Variants in PTGFR observed in about 807,000 individuals in gnomAD.
The protein encoded by PTGFR is prostaglandin F receptor, also known as prostaglandin F2-alpha receptor.
A neutral mutation model predicts 26.2 loss-of-function variants in PTGFR; 15 were observed. That is an observed-to-expected ratio of 0.57 (90% CI 0.38 to 0.88). The LOEUF is 0.88. Ranked by LOEUF, PTGFR falls within the 40% of genes least tolerant of loss-of-function variation. PTGFR has a pLI of 0.00. For missense variants in PTGFR, 369 were observed against 427.2 expected, an observed-to-expected ratio of 0.86 and a Z score of 1.20; for synonymous variants, 165 against 151.1, an observed-to-expected ratio of 1.09 and a Z score of -0.68.
At chr1:78,531,781 G>A (rs773558034) in intron 2 of PTGFR, among the ~76,000 whole-genome samples, 53 of 152,134 alleles carry the variant, frequency 3.5e-4, no homozygotes, top group Non-Finnish European at 5.3e-4. Flanking sequence ...CTCAAGTGTA[G>A]GAGTCTCTTC....
intron 2 of PTGFR, among the ~76,000 whole-genome samples, chr1:78,518,812 G>A (rs909936612): frequency 1.3e-5 from 2 of 151,866 alleles, no homozygotes; most frequent in African/African-American, 4.8e-5. Flanking sequence ...ATTTTATTTT[G>A]CAGAGCTTTT....
At position 78,493,252 on chromosome 1, in the gene PTGFR, C is replaced by T; in HGVS notation, c.509C>T (p.Pro170Leu). Residue 170 changes from proline (P) to leucine (L), a missense_variant, in exon 2 of 3, where the codon CCC becomes CTC. Transcript: ENST00000370757. ...CLFAVFIALL[P>L]ILGHRDYKIQ... is the part of the protein sequence containing the mutation. Reference sequence around the variant, plus strand: ...TTTGCTGTTTTCATAGCTTTGCTGCCCATCCTTGGACATCGAGACTATAAA... The same window carrying T: ...TTTGCTGTTTTCATAGCTTTGCTGCTCATCCTTGGACATCGAGACTATAAA... The T allele has an allele frequency of 6.2e-7, 1 of 1,614,048 alleles. No individual in the cohort carries two copies. Among genetic ancestry groups the T allele is most frequent in the Non-Finnish European group, 8.5e-7 (1 of 1,179,984 alleles).
chr1:78,499,269 T>C (rs1225709554), intron 2 of PTGFR, among the ~76,000 whole-genome samples: 3 of 152,246 alleles, frequency 2.0e-5, no homozygotes, highest in African/African-American at 7.2e-5. Context: ...AAAAAGTTCC[T>C]GTTCTCTTTT....
chr1:78,522,395 A>T (rs1188521588), intron 2 of PTGFR, among the ~76,000 whole-genome samples: 1 of 152,040 alleles, frequency 6.6e-6, no homozygotes, highest in African/African-American at 2.4e-5. Flanking sequence ...ATCATATCTC[A>T]TTATATTCAC....
chr1:78,511,350 C>T (rs931154775), intron 2 of PTGFR, among the ~76,000 whole-genome samples: 1 of 152,232 alleles, frequency 6.6e-6, no homozygotes, highest in East Asian at 1.9e-4. Context: ...CACCAAACCT[C>T]CTTCACTTCT....
chr1:78,518,719 A>G (rs1300524230), intron 2 of PTGFR, among the ~76,000 whole-genome samples: 1 of 152,034 alleles, frequency 6.6e-6, no homozygotes, highest in African/African-American at 2.4e-5. Flanking sequence ...TTAATTCTGG[A>G]ATTAAAAAAA....
chr1:78,500,674 A>G (rs1026769516), intron 2 of PTGFR, among the ~76,000 whole-genome samples: 3 of 152,180 alleles, frequency 2.0e-5, no homozygotes, highest in African/African-American at 7.2e-5. Flanking sequence ...CCCAAAGTCT[A>G]TTGCCTCCAG....
intron 2 of PTGFR, among the ~76,000 whole-genome samples, chr1:78,504,176 A>G (rs1649773206): frequency 6.6e-6 from 1 of 152,074 alleles, no homozygotes; most frequent in East Asian, 1.9e-4. Flanking sequence ...AAAATATAAT[A>G]TTTTCTTTAG....
intron 2 of PTGFR, among the ~76,000 whole-genome samples, chr1:78,506,215 A>G (rs115870552): frequency 0.028 from 4,221 of 151,860 alleles, 196 homozygotes; most frequent in African/African-American, 0.097. Flanking sequence ...CTTTTTATTT[A>G]TATTTATATT....
chr1:78,506,160 G>A (rs920165234), intron 2 of PTGFR, among the ~76,000 whole-genome samples: 12 of 152,080 alleles, frequency 7.9e-5, no homozygotes, highest in Non-Finnish European at 1.3e-4. Context: ...CAACGTGCGA[G>A]TGTCCCAATT....
chr1:78,493,639 C>G lies in PTGFR; in HGVS notation c.798+98C>G, dbSNP rs149232480. On this transcript the variant is annotated intron_variant, in intron 2 of 2. Transcript: ENST00000370757. ...AGTCTTTTAAATGCTGAGAATGATC[C>G]CTACTCAAAATTTATTTCAGCACTC... 3.3e-6 allele frequency: 4 copies of G among 1,209,420 alleles called. No homozygotes were observed. In the African/African-American group the frequency reaches 6.1e-5, roughly 18 times the overall value. The allele number at this position is 1,209,420 out of a possible 1,614,324, so 74.9% of individuals were successfully genotyped here. A position where few individuals can be genotyped will look rare whatever the true frequency, so the allele number is the denominator to read the frequency against.
At chr1:78,520,881 A>G (rs1454481259) in intron 2 of PTGFR, among the ~76,000 whole-genome samples, 1 of 152,098 alleles carries the variant, frequency 6.6e-6, no homozygotes, top group African/African-American at 2.4e-5. Context: ...ATCAAGTTCC[A>G]TGAGGGACTT....
At chr1:78,498,326 G>C (rs1357586967) in intron 2 of PTGFR, among the ~76,000 whole-genome samples, 1 of 151,978 alleles carries the variant, frequency 6.6e-6, no homozygotes, top group Admixed American at 6.6e-5. Context: ...GATGGTGAGT[G>C]GATATATGTT....
intron 2 of PTGFR, among the ~76,000 whole-genome samples, chr1:78,523,201 A>G (rs1228375807): frequency 6.6e-6 from 1 of 151,994 alleles, no homozygotes; most frequent in African/African-American, 2.4e-5. Flanking sequence ...GTTGTACACT[A>G]TTTTTATTTG....
intron 2 of PTGFR, among the ~76,000 whole-genome samples, chr1:78,514,908 C>G (rs1229484861): frequency 1.3e-5 from 2 of 152,134 alleles, no homozygotes; most frequent in Non-Finnish European, 2.9e-5. Flanking sequence ...GCACCTGTGC[C>G]CCCTTAACCT....
chr1:78,524,544 G>C (rs888291130), intron 2 of PTGFR, among the ~76,000 whole-genome samples: 1 of 152,104 alleles, frequency 6.6e-6, no homozygotes, highest in African/African-American at 2.4e-5. Flanking sequence ...CAAGACATTT[G>C]ATTATATCCT....
At chr1:78,520,829 T>C (rs896174756) in intron 2 of PTGFR, among the ~76,000 whole-genome samples, 1 of 152,092 alleles carries the variant, frequency 6.6e-6, no homozygotes, top group African/African-American at 2.4e-5. Flanking sequence ...TAGGTAGGTA[T>C]ATATGCTTTA....
intron 2 of PTGFR, among the ~76,000 whole-genome samples, chr1:78,532,508 G>C (rs1406686361): frequency 9.3e-6 from 1 of 107,558 alleles, no homozygotes; most frequent in Non-Finnish European, 1.8e-5. Flanking sequence ...ATATTTGTGT[G>C]TGTATATGTG....
At chr1:78,526,840 G>A (rs1337951304) in intron 2 of PTGFR, among the ~76,000 whole-genome samples, 1 of 151,992 alleles carries the variant, frequency 6.6e-6, no homozygotes, top group Non-Finnish European at 1.5e-5. Context: ...TCATTAAAAG[G>A]GATAGAACAC....
Sources: allele counts gnomAD v4.1 joint callset (sites outside exome capture counted in the v4.1 genomes callset), GRCh38; gene constraint gnomAD v4.1.1; transcripts MANE v1.5; gene names NCBI Gene and HGNC (gene_info 2026-07-23, HGNC 2026-07-21).